HEATR5A: variants seen among roughly 807,000 people sequenced by gnomAD.
HEATR5A encodes the protein HEAT repeat containing 5A, also known as HEAT repeat-containing protein 5A.
Under a neutral mutation model 218.8 loss-of-function variants are expected in HEATR5A, and 178 were observed. The ratio of observed to expected loss-of-function variants is 0.81; its 90% confidence interval spans 0.72 to 0.92. The LOEUF (loss-of-function observed/expected upper bound fraction) is 0.92. Ranked by LOEUF, HEATR5A falls within the 40% of genes least tolerant of loss-of-function variation. The pLI is 0.00. For missense variants in HEATR5A, 2,420 were observed against 2,418.9 expected (o/e 1.00, Z -0.01); for synonymous variants, 864 against 871.6 (o/e 0.99, Z 0.15).
rs1900107075 is a variant in HEATR5A, at chr14:31,321,508, A to G, written c.3960T>C (p.Tyr1320=). The G allele has an allele frequency of 1.3e-6, 2 of 1,591,130 alleles. No individual in the cohort carries two copies. Among genetic ancestry groups the G allele is most frequent in the Non-Finnish European group, 1.7e-6 (2 of 1,168,126 alleles). ...EFPGHVILEQ[Y]QANVGAALRP... is the part of the protein sequence containing the mutation. ...AAAAGAAAGTGCTTACATTGGCTTGATACTGTTCCAGAATCACATGACCTG... is the reference window on the plus strand; with the variant it reads ...AAAAGAAAGTGCTTACATTGGCTTGGTACTGTTCCAGAATCACATGACCTG... The change falls in exon 25 of 36, where the codon TAT becomes TAC. Residue 1320 remains tyrosine (Y), a synonymous_variant. Transcript: ENST00000543095.
chr14:31,385,888 G>A (rs997589975), intron 9 of HEATR5A, among the ~76,000 whole-genome samples: 9 of 151,962 alleles, frequency 5.9e-5, no homozygotes, highest in South Asian at 2.1e-4. Flanking sequence ...CCACCATGAC[G>A]GGCTAATTTT....
chr14:31,389,279 G>A (rs1350251235), intron 6 of HEATR5A, among the ~76,000 whole-genome samples: 1 of 152,106 alleles, frequency 6.6e-6, no homozygotes, highest in African/African-American at 2.4e-5. Flanking sequence ...AAGTTAAAAG[G>A]CTGTCTTCTA....
Position 31,346,531 on chromosome 14 carries a change from G to GA in HEATR5A, c.2868+1216dup, listed in dbSNP as rs1187473361. Among the ~76,000 whole-genome samples, 4 of 152,002 alleles carry GA rather than the reference G, an allele frequency of 2.6e-5. No individual in the cohort carries two copies. The South Asian group carries it at 8.3e-4, about 31-fold the overall frequency. On this transcript the variant is annotated intron_variant, in intron 19 of 35. Coordinates refer to ENST00000543095, the MANE Select transcript of HEATR5A (RefSeq NM_015473.4). ...CAAATAGGCATGTAAGGAGAGAAGAGAAAAAGAAAAGGTAAATGTAGACAT... is the reference window on the plus strand; with the variant it reads ...CAAATAGGCATGTAAGGAGAGAAGAGAAAAAAGAAAAGGTAAATGTAGACAT...
chr14:31,306,413 G>A (rs1174686187), intron 31 of HEATR5A, among the ~76,000 whole-genome samples: 2 of 152,252 alleles, frequency 1.3e-5, no homozygotes, highest in East Asian at 3.9e-4. Flanking sequence ...AGCCTGGGAG[G>A]TTGAGGCTGC....
intron 11 of HEATR5A, among the ~76,000 whole-genome samples, 167 bp downstream of exon 11, chr14:31,380,300 C>G (rs1031192076): frequency 6.6e-6 from 1 of 152,094 alleles, no homozygotes; most frequent in Non-Finnish European, 1.5e-5. Context: ...TAAGCAATGA[C>G]GAAAGTAAAA....
At position 31,339,513 on chromosome 14, in the gene HEATR5A, T is replaced by C. The variant is rs72672644; in HGVS notation, c.3229-1899A>G. 3.2e-3 allele frequency among the ~76,000 whole-genome samples: 477 copies of C among 150,484 alleles called. 1 individual carries two copies. The highest frequency in any genetic ancestry group is 0.014 in the Middle Eastern group (4 of 290). ...GAAACACATGCAAAGAGAGCCAAATTCTACATTTTATCAGAAGCCAAGAAA... is the reference window on the plus strand; with the variant it reads ...GAAACACATGCAAAGAGAGCCAAATCCTACATTTTATCAGAAGCCAAGAAA... On this transcript the variant is annotated intron_variant, in intron 21 of 35. Transcript: ENST00000543095.
intron 1 of HEATR5A, among the ~76,000 whole-genome samples, chr14:31,419,391 A>G (rs1276299692): frequency 3.9e-5 from 6 of 152,248 alleles, no homozygotes; most frequent in Non-Finnish European, 8.8e-5. Context: ...GGAAAATTAA[A>G]CAAAATTCTC....
intron 28 of HEATR5A, 21 bp downstream of exon 28, chr14:31,312,944 TATC>T: frequency 6.6e-7 from 1 of 1,522,978 alleles, no homozygotes; most frequent in Non-Finnish European, 9.1e-7. Flanking sequence ...CTCTAGGAAT[TATC>T]TAAGTATTTT....
chr14:31,368,594 G>A (rs189225609), intron 13 of HEATR5A, among the ~76,000 whole-genome samples: 18 of 152,188 alleles, frequency 1.2e-4, no homozygotes, highest in Middle Eastern at 3.4e-3. Context: ...GAGCAGTGGC[G>A]CAATCAAGAC....
rs534348069 is a variant in HEATR5A at position 31,340,278 on chromosome 14, T to C, written c.3229-2664A>G. Among the ~76,000 whole-genome samples, 27 of 152,316 alleles carry C rather than the reference T, an allele frequency of 1.8e-4. No homozygotes were observed. The South Asian group carries it at 4.8e-3, about 27-fold the overall frequency. On this transcript the variant is annotated intron_variant, in intron 21 of 35. Coordinates refer to ENST00000543095, the MANE Select transcript of HEATR5A (RefSeq NM_015473.4). The stretch of plus-strand genomic sequence containing the variant: ...GAGAAGGTTAGGAAGGATTTGCTTA[T>C]ACTGGTATCAAATAAACACCACGAA...
intron 10 of HEATR5A, among the ~76,000 whole-genome samples, chr14:31,383,168 G>A (rs978522117): frequency 6.6e-6 from 1 of 152,030 alleles, no homozygotes; most frequent in Non-Finnish European, 1.5e-5. Context: ...TAACGTATGG[G>A]ACTTTTACTT....
chr14:31,402,979 T>G lies in HEATR5A; in HGVS notation c.-4A>C, dbSNP rs902890147. 6.5e-7 allele frequency: 1 copy of G among 1,535,408 alleles called. No individual in the cohort carries two copies. Among genetic ancestry groups the G allele is most frequent in the Admixed American group, 2.0e-5 (1 of 50,960 alleles). ...GTAAGCTATGAGCTAATTCCATTCC[T>G]TGCAGCAATCCTCCCAGCTGATCAC... On this transcript the variant is annotated 5_prime_UTR_variant, in exon 2 of 36. Transcript: ENST00000543095.
At chr14:31,400,712 T>TA (rs1171369039) in intron 2 of HEATR5A, among the ~76,000 whole-genome samples, 200 bp from the exon 3 acceptor site, 1 of 151,598 alleles carries the variant, frequency 6.6e-6, no homozygotes, top group African/African-American at 2.4e-5. Flanking sequence ...CTGCTAATAA[T>TA]AAAAAAGCCC....
intron 11 of HEATR5A, among the ~76,000 whole-genome samples, chr14:31,378,168 C>T (rs1249131675): frequency 1.3e-5 from 2 of 152,170 alleles, no homozygotes; most frequent in African/African-American, 4.8e-5. Flanking sequence ...CTAACAAACA[C>T]TTTCTGTAAA....
intron 1 of HEATR5A, among the ~76,000 whole-genome samples, chr14:31,419,585 A>T (rs2031572111): frequency 6.6e-6 from 1 of 152,218 alleles, no homozygotes; most frequent in Non-Finnish European, 1.5e-5. Context: ...GCCCCAAAAA[A>T]GTGCTGCATA....
In HEATR5A at chr14:31,347,129, CTA is replaced by C. The variant is rs548297220; in HGVS notation, c.2868+617_2868+618del. On this transcript the variant is annotated intron_variant, in intron 19 of 35. Coordinates refer to ENST00000543095, the MANE Select transcript of HEATR5A (RefSeq NM_015473.4). Reference sequence around the variant, plus strand: ...ATTATTACAAGGACTAAAAGAATTACTATGAGACTTAGAAGAATGTATCGTAA... The same window carrying C: ...ATTATTACAAGGACTAAAAGAATTACTGAGACTTAGAAGAATGTATCGTAA... Among the ~76,000 whole-genome samples, 209 of 152,304 alleles carry C rather than the reference CTA, an allele frequency of 1.4e-3. 1 individual carries two copies. Among genetic ancestry groups the C allele is most frequent in the African/African-American group, 4.4e-3 (181 of 41,560 alleles).
At chr14:31,375,010 T>C in intron 11 of HEATR5A, 42 bp from the exon 12 acceptor site, 1 of 1,513,814 alleles carries the variant, frequency 6.6e-7, no homozygotes, top group South Asian at 1.3e-5. Context: ...GAATCCAAGG[T>C]TGTCACTCTT....
At chr14:31,385,332 ATGT>A in intron 9 of HEATR5A, among the ~76,000 whole-genome samples, 2 of 152,200 alleles carry the variant, frequency 1.3e-5, no homozygotes, top group Admixed American at 1.3e-4. Flanking sequence ...AGCTCTCACT[ATGT>A]TGCCCAGGCT....
intron 14 of HEATR5A, 143 bp from the exon 15 acceptor site, chr14:31,359,200 A>G: frequency 1.3e-6 from 1 of 774,514 alleles, no homozygotes; most frequent in South Asian, 1.8e-5. Context: ...TCATCCTTGA[A>G]AACTGCCCTA....
Sources: allele counts gnomAD v4.1 joint callset (sites outside exome capture counted in the v4.1 genomes callset), GRCh38; gene constraint gnomAD v4.1.1; transcripts MANE v1.5; gene names NCBI Gene and HGNC (gene_info 2026-07-23, HGNC 2026-07-21).